Variants in RCC1 observed in about 807,000 individuals in gnomAD.
The protein encoded by RCC1 is regulator of chromosome condensation 1, also known as regulator of chromosome condensation.
A neutral mutation model predicts 44.4 loss-of-function variants in RCC1; 11 were observed. The observed-to-expected ratio is 0.25, with a 90% CI of 0.16 to 0.41. RCC1 has a LOEUF of 0.41. Ranked by LOEUF, RCC1 falls within the 10% of genes least tolerant of loss-of-function variation. The pLI, the probability that RCC1 is intolerant of heterozygous loss-of-function variation, is 1.00. For missense variants in RCC1, 386 were observed against 547.1 expected, an observed-to-expected ratio of 0.71 and a Z score of 2.94; for synonymous variants, 213 against 216.5, an observed-to-expected ratio of 0.98 and a Z score of 0.14.
At chr1:28,527,541 TA>T (rs977082432) in intron 4 of RCC1, among the ~76,000 whole-genome samples, 1 of 151,834 alleles carries the variant, frequency 6.6e-6, no homozygotes, top group South Asian at 2.1e-4. Context: ...ACCTTGTCTC[TA>T]AAAAAAATCA....
At chr1:28,512,192 C>G (rs1347428217) in intron 3 of RCC1, among the ~76,000 whole-genome samples, 3 of 151,294 alleles carry the variant, frequency 2.0e-5, no homozygotes, top group Non-Finnish European at 4.4e-5. Flanking sequence ...GTTGGCCAGG[C>G]TGGTCTCAAA....
At position 28,517,941 on chromosome 1, in the gene RCC1, T is replaced by C. The variant is rs894739326; in HGVS notation, c.-10+1074T>C. On this transcript the variant is annotated intron_variant, in intron 4 of 12. Transcript: ENST00000683442. ...AACCTTCTCCATGCCCTCTTGAGGG[T>C]AGGGAAGATGAGTATCTTTTTTCTC... is the stretch of plus-strand genomic sequence containing the variant. Among the ~76,000 whole-genome samples the C allele has an allele frequency of 2.0e-5, 3 of 152,058 alleles. No individual in the cohort carries two copies. In the South Asian group the frequency reaches 6.2e-4, roughly 32 times the overall value.
At chr1:28,515,105 C>T (rs1234037622) in intron 3 of RCC1, among the ~76,000 whole-genome samples, 1 of 152,102 alleles carries the variant, frequency 6.6e-6, no homozygotes, top group Non-Finnish European at 1.5e-5. Flanking sequence ...TAGTGAAACC[C>T]TGTCTCTACC....
chr1:28,530,434 C>T (rs1333923075), intron 5 of RCC1: 4 of 1,253,910 alleles, frequency 3.2e-6, no homozygotes, highest in East Asian at 2.5e-5. Flanking sequence ...TCCTGGGACC[C>T]CGGAGGGGGA....
At position 28,537,136 on chromosome 1, in the gene RCC1, G is replaced by C. The variant is rs572790271; in HGVS notation, c.1090+237G>C. Among the ~76,000 whole-genome samples, 163 of 152,306 alleles carry C rather than the reference G, an allele frequency of 1.1e-3. 1 individual carries two copies. Among genetic ancestry groups the C allele is most frequent in the African/African-American group, 3.7e-3 (155 of 41,556 alleles). Reference sequence around the variant, plus strand: ...GCAGAGGAGAGAAATAGCAAAGAGTGAGATATCACTGAGGCCTAAGGAGGC... The same window carrying C: ...GCAGAGGAGAGAAATAGCAAAGAGTCAGATATCACTGAGGCCTAAGGAGGC... On this transcript the variant is annotated intron_variant, in intron 12 of 12. Coordinates refer to ENST00000683442, the MANE Select transcript of RCC1 (RefSeq NM_001381865.2).
In RCC1 at chr1:28,535,253, C is replaced by A; in HGVS notation, c.539-5C>A. 1.2e-6 allele frequency: 2 copies of A among 1,614,206 alleles called. No individual in the cohort carries two copies. Among genetic ancestry groups the A allele is most frequent in the Non-Finnish European group, 1.7e-6 (2 of 1,180,020 alleles). On this transcript the variant is annotated splice_region_variant and splice_polypyrimidine_tract_variant and intron_variant, in intron 8 of 12. Transcript: ENST00000683442. Reference sequence around the variant, plus strand: ...GGCCTGCATCCCTTACCTTTTCATCCTTAGGAAACGACCACTTGGTGATGC... The same window carrying A: ...GGCCTGCATCCCTTACCTTTTCATCATTAGGAAACGACCACTTGGTGATGC...
Position 28,514,761 on chromosome 1 carries a change from C to CA in RCC1, c.-152-1952dup, listed in dbSNP as rs139010543. On this transcript the variant is annotated intron_variant, in intron 3 of 12. Transcript: ENST00000683442. The stretch of plus-strand genomic sequence containing the variant: ...GGGCAACAAGAGCAAAACTCCATCT[C>CA]AAAAAAAAAAAACAATCTTCCGGCT... Among the ~76,000 whole-genome samples the CA allele has an allele frequency of 2.0e-3, 259 of 132,454 alleles. 1 individual carries two copies. Among genetic ancestry groups the CA allele is most frequent in the South Asian group, 9.9e-3 (41 of 4,126 alleles). 86.9% of individuals were successfully genotyped at this position (132,454 alleles called of 152,430 possible).
At chr1:28,514,145 A>G (rs1032495560) in intron 3 of RCC1, among the ~76,000 whole-genome samples, 13 of 151,702 alleles carry the variant, frequency 8.6e-5, no homozygotes, top group African/African-American at 3.1e-4. Context: ...CAACAGAGCA[A>G]GACTCCGTCT....
At chr1:28,511,975 C>CT (rs1557867580) in intron 3 of RCC1, among the ~76,000 whole-genome samples, 3 of 122,648 alleles carry the variant, frequency 2.4e-5, no homozygotes, top group Admixed American at 8.3e-5. Context: ...CAAGCCTGAT[C>CT]CTTTTTTTTT....
intron 3 of RCC1, among the ~76,000 whole-genome samples, chr1:28,515,694 G>A (rs972869316): frequency 2.6e-5 from 4 of 151,944 alleles, no homozygotes; most frequent in African/African-American, 9.7e-5. Context: ...TCCAGCCTGG[G>A]CAACAGAATG....
chr1:28,533,481 AAAG>A (rs1418776138), intron 7 of RCC1, among the ~76,000 whole-genome samples: 11 of 143,630 alleles, frequency 7.7e-5, no homozygotes, highest in East Asian at 2.1e-4. Context: ...AAAAAAAAAA[AAAG>A]AAGTCCGGGC....
At chr1:28,537,594 C>T (rs1664632012) in intron 12 of RCC1, among the ~76,000 whole-genome samples, 1 of 152,200 alleles carries the variant, frequency 6.6e-6, no homozygotes, top group African/African-American at 2.4e-5. Context: ...CCTTGAATGC[C>T]ACGCCTAGGA....
intron 4 of RCC1, among the ~76,000 whole-genome samples, chr1:28,529,170 A>C (rs1015119275): frequency 7.8e-6 from 1 of 128,692 alleles, no homozygotes; most frequent in African/African-American, 3.0e-5. Flanking sequence ...GGCGTGAGCC[A>C]CCGCGCCCAG....
At chr1:28,511,976 CTTTTTTTTTT>C (rs36018995) in intron 3 of RCC1, among the ~76,000 whole-genome samples, 1 of 99,496 alleles carries the variant, frequency 1.0e-5, no homozygotes, top group South Asian at 3.1e-4. Flanking sequence ...AAGCCTGATC[CTTTTTTTTTT>C]TTTTTTTTTT....
intron 4 of RCC1, among the ~76,000 whole-genome samples, chr1:28,527,493 T>A (rs1304712635): frequency 6.6e-6 from 1 of 152,122 alleles, no homozygotes; most frequent in Non-Finnish European, 1.5e-5. Context: ...TCCTCCTGCC[T>A]CGACTTCCCA....
chr1:28,507,694 A>G, intron 1 of RCC1: 4 of 367,974 alleles, frequency 1.1e-5, no homozygotes, highest in South Asian at 2.0e-5. Context: ...CCCGGGTTCA[A>G]GTGATTATGC....
Position 28,537,887 on chromosome 1 carries a change from T to A in RCC1, c.1146T>A (p.Asp382Glu), listed in dbSNP as rs144961099. Residue 382 changes from aspartate to glutamate, a missense_variant, in exon 13 of 13, where the codon GAT becomes GAA. Asp to Glu is a conservative substitution (Grantham distance 45, BLOSUM62 2). Transcript: ENST00000683442. ...GTNYQLGTGQDEDAWSPVEMM... is the reference protein window; with the variant it reads ...GTNYQLGTGQEEDAWSPVEMM... ...ACTACCAGCTGGGCACAGGGCAGGATGAGGACGCCTGGAGCCCTGTGGAGA... is the reference window on the plus strand; with the variant it reads ...ACTACCAGCTGGGCACAGGGCAGGAAGAGGACGCCTGGAGCCCTGTGGAGA... 110 of 1,613,598 alleles carry A rather than the reference T, an allele frequency of 6.8e-5. No individual in the cohort carries two copies. In the African/African-American group the frequency reaches 1.3e-3, roughly 19 times the overall value.
At chr1:28,514,773 A>AG (rs1436669117) in intron 3 of RCC1, among the ~76,000 whole-genome samples, 2 of 151,652 alleles carry the variant, frequency 1.3e-5, no homozygotes, top group Non-Finnish European at 2.9e-5. Flanking sequence ...AAAAAAAAAA[A>AG]CAATCTTCCG....
intron 2 of RCC1, 53 bp from the exon 3 acceptor site, chr1:28,508,777 T>G (rs1355356015): frequency 3.9e-6 from 2 of 518,706 alleles, no homozygotes; most frequent in Non-Finnish European, 7.7e-6. Flanking sequence ...TATACTAGAT[T>G]TTAAGTTGAA....
Sources: gnomAD v4.1 joint callset for allele counts (sites outside exome capture counted in the v4.1 genomes callset) on GRCh38, gnomAD v4.1.1 for gene constraint, MANE v1.5 for transcripts, NCBI Gene and HGNC (gene_info 2026-07-23, HGNC 2026-07-21) for gene names.